JADE3: variants seen among roughly 807,000 people sequenced by gnomAD.
JADE3 encodes the protein protein Jade-3.
Under a neutral mutation model 50.1 loss-of-function variants are expected in JADE3, and 2 were observed. The observed-to-expected ratio is 0.04, with a 90% CI of 0.02 to 0.13. JADE3 has a LOEUF of 0.13. Ranked by LOEUF, JADE3 falls within the 10% of genes least tolerant of loss-of-function variation. The pLI is 1.00. For synonymous variants in JADE3, 218 were observed against 232.9 expected, an observed-to-expected ratio of 0.94 and a Z score of 0.58; for missense variants, 475 against 634.4, an observed-to-expected ratio of 0.75 and a Z score of 2.70.
intron 8 of JADE3, among the ~76,000 whole-genome samples, chrX:47,047,282 C>T (rs1556370902): frequency 1.8e-5 from 2 of 112,228 alleles, no homozygotes; most frequent in Admixed American, 1.9e-4. Context: ...CACGGTTGCT[C>T]ATGCCTGTAA....
At chrX:46,959,783 G>C (rs1328750094) in intron 1 of JADE3, among the ~76,000 whole-genome samples, 6 of 110,228 alleles carry the variant, frequency 5.4e-5, no homozygotes, top group Admixed American at 3.8e-4. Flanking sequence ...CGGATGTTGG[G>C]ACCACAGAGA....
chrX:46,976,046 C>T (rs904205918), intron 1 of JADE3, among the ~76,000 whole-genome samples: 6 of 110,290 alleles, frequency 5.4e-5, no homozygotes, highest in African/African-American at 1.7e-4. Flanking sequence ...TTTTCAAGGA[C>T]GAATGTTAGA....
chrX:46,939,390 G>A (rs4567179), intron 1 of JADE3, among the ~76,000 whole-genome samples: 5,558 of 110,842 alleles, frequency 0.05, 200 homozygotes, highest in Admixed American at 0.15. Flanking sequence ...AAGTGGCTTG[G>A]CATCATAGGG....
intron 1 of JADE3, among the ~76,000 whole-genome samples, chrX:46,960,119 TC>T (rs1161127768): frequency 7.2e-5 from 8 of 110,768 alleles, no homozygotes; most frequent in African/African-American, 2.6e-4. Context: ...GGATGGGTGT[TC>T]CTCTATTCCT....
rs782416699 is a variant in JADE3, at chrX:46,918,348, A to AT, written c.-12+5636dup. Among the ~76,000 whole-genome samples, 69 of 111,847 alleles carry AT rather than the reference A, an allele frequency of 6.2e-4. 1 individual carries two copies. Among genetic ancestry groups the AT allele is most frequent in the Admixed American group, 9.4e-4 (10 of 10,619 alleles). ...AAGATACTTCAGTGACTAAATGGAAATTTTTTTATGTTTTTTGTTTTTTGC... is the reference window on the plus strand; with the variant it reads ...AAGATACTTCAGTGACTAAATGGAAATTTTTTTTATGTTTTTTGTTTTTTGC... On this transcript the variant is annotated intron_variant, in intron 1 of 10. Transcript: ENST00000614628.
At chrX:47,055,663 T>C (rs1019976655) in intron 9 of JADE3, among the ~76,000 whole-genome samples, 13 of 111,961 alleles carry the variant, frequency 1.2e-4, no homozygotes, top group African/African-American at 3.9e-4. Flanking sequence ...AAAACACTTC[T>C]AGTCTTCCCA....
At position 47,054,573 on chromosome X, in the gene JADE3, A is replaced by G. The variant is rs1293069558; in HGVS notation, c.1388A>G (p.Glu463Gly). Residue 463 changes from glutamate (E) to glycine (G), a missense_variant, in exon 9 of 11, where the codon GAA becomes GGA. Transcript: ENST00000614628. Reference sequence around the variant, plus strand: ...AATGGGCTGGTGCAGCCAAAAGAGGAAAGCATTCACACTCGAATGAGAATG... The same window carrying G: ...AATGGGCTGGTGCAGCCAAAAGAGGGAAGCATTCACACTCGAATGAGAATG... ...EENGLVQPKEESIHTRMRMFM... is the reference protein window; with the variant it reads ...EENGLVQPKEGSIHTRMRMFM... The G allele has an allele frequency of 8.3e-6, 10 of 1,208,854 alleles. No homozygotes were observed. The highest frequency in any genetic ancestry group is 1.0e-5 in the Non-Finnish European group (9 of 894,615).
intron 4 of JADE3, among the ~76,000 whole-genome samples, chrX:47,019,334 T>A (rs1556363772): frequency 9.0e-6 from 1 of 111,684 alleles, no homozygotes; most frequent in East Asian, 2.8e-4. Flanking sequence ...ACAAGGGTCA[T>A]CTTGGGAAAT....
chrX:47,007,804 ATT>A (rs72412555), intron 4 of JADE3, among the ~76,000 whole-genome samples: 3,207 of 38,026 alleles, frequency 0.084, 108 homozygotes, highest in African/African-American at 0.26. Flanking sequence ...GTGTCCTTTT[ATT>A]TTGTGTGTGT....
At position 47,060,260 on chromosome X, in the gene JADE3, A is replaced by G. The variant is rs2146994811; in HGVS notation, c.*1183A>G. The stretch of plus-strand genomic sequence containing the variant: ...TGCGGGGGGGGGGGTGGATAAAAAC[A>G]TGTCTGCTTCTCATTTAAATAAGAG... On this transcript the variant is annotated 3_prime_UTR_variant, in exon 11 of 11. Coordinates refer to ENST00000614628, the MANE Select transcript of JADE3 (RefSeq NM_014735.5). The G allele has an allele frequency of 9.2e-6, 1 of 108,405 alleles. No homozygotes were observed. The highest frequency in any genetic ancestry group is 3.4e-5 in the African/African-American group (1 of 29,818). The allele number at this position is 108,405 out of a possible 1,213,427, so 8.9% of individuals were successfully genotyped here. A position where few individuals can be genotyped will look rare whatever the true frequency, so the allele number is the denominator to read the frequency against.
intron 1 of JADE3, among the ~76,000 whole-genome samples, chrX:46,962,683 AAG>A (rs1927287266): frequency 8.9e-6 from 1 of 112,092 alleles, no homozygotes; most frequent in Admixed American, 9.5e-5. Flanking sequence ...TTTGGAGACT[AAG>A]AGAAGCAAAG....
chrX:46,966,110 C>T (rs1265794428), intron 1 of JADE3, among the ~76,000 whole-genome samples: 1 of 111,739 alleles, frequency 8.9e-6, no homozygotes, highest in Non-Finnish European at 1.9e-5. Flanking sequence ...ACTGACAGGG[C>T]TTAATAATTG....
chrX:46,998,929 C>G lies in JADE3; in HGVS notation c.284+652C>G, dbSNP rs113577915. Among the ~76,000 whole-genome samples the G allele has an allele frequency of 3.2e-3, 354 of 110,829 alleles. 2 individuals carry two copies. The highest frequency in any genetic ancestry group is 0.011 in the African/African-American group (329 of 30,364). ...GGCCAGGCCGTTCTTGAACTCCTGA[C>G]TTCATGATCTGCCCACCTTGGCCTC... On this transcript the variant is annotated intron_variant, in intron 4 of 10. Transcript: ENST00000614628.
chrX:46,981,626 A>G (rs1927755633), intron 1 of JADE3, among the ~76,000 whole-genome samples: 1 of 111,983 alleles, frequency 8.9e-6, no homozygotes, highest in African/African-American at 3.2e-5. Context: ...CTTTGACTGT[A>G]GGACAAACAG....
At chrX:46,993,407 T>C (rs782717791) in intron 3 of JADE3, among the ~76,000 whole-genome samples, 56 of 112,276 alleles carry the variant, frequency 5.0e-4, no homozygotes, top group Admixed American at 1.4e-3. Flanking sequence ...TGCATACTTA[T>C]TACACAAAAA....
Position 47,058,178 on chromosome X carries a change from A to T in JADE3, c.1573A>T (p.Thr525Ser). ...NQEIDAGLPL[T>S]NALENSLFYP... ...CTTTTTTATCTCAGGGCTTCCTTTG[A>T]CAAATGCACTTGAAAACTCACTGTT... Residue 525 changes from threonine to serine, a missense_variant, in exon 11 of 11, where the codon ACA (threonine) becomes TCA (serine). Around this residue, in one of 6 missense-constraint regions of JADE3, gnomAD observed 243 missense variants for 238.2 expected, o/e 1.02. Coordinates refer to ENST00000614628, the MANE Select transcript of JADE3 (RefSeq NM_014735.5). The T allele has an allele frequency of 6.6e-6, 8 of 1,203,066 alleles. No homozygotes were observed. Among genetic ancestry groups the T allele is most frequent in the Non-Finnish European group, 9.0e-6 (8 of 891,481 alleles).
intron 1 of JADE3, among the ~76,000 whole-genome samples, chrX:46,932,088 CT>C (rs1556340026): frequency 8.9e-6 from 1 of 112,154 alleles, no homozygotes; most frequent in Non-Finnish European, 1.9e-5. Context: ...AGGTGGCCCC[CT>C]AGGACCTTAA....
intron 1 of JADE3, among the ~76,000 whole-genome samples, chrX:46,964,525 C>T (rs1556348475): frequency 8.9e-6 from 1 of 111,849 alleles, no homozygotes; most frequent in Admixed American, 9.4e-5. Flanking sequence ...TGAGTGAAGA[C>T]GTCTCCAGAT....
chrX:46,915,793 G>A (rs1241988624), intron 1 of JADE3, among the ~76,000 whole-genome samples: 2 of 110,266 alleles, frequency 1.8e-5, no homozygotes, highest in East Asian at 2.8e-4. Context: ...AAACTTGCCC[G>A]ATTTCATAGC....
Sources: gnomAD v4.1 joint callset for allele counts (sites outside exome capture counted in the v4.1 genomes callset) on GRCh38, gnomAD v4.1.1 for gene constraint, gnomAD v4.1.1 regional missense constraint, MANE v1.5 for transcripts, NCBI Gene and HGNC (gene_info 2026-07-23, HGNC 2026-07-21) for gene names.